Variants in MBNL1 observed in about 807,000 individuals in gnomAD.
MBNL1 encodes muscleblind-like protein 1.
MBNL1 carries 8 observed loss-of-function variants against 42.2 expected under a neutral mutation model. That is an observed-to-expected ratio of 0.19 (90% CI 0.11 to 0.34). The LOEUF (loss-of-function observed/expected upper bound fraction) is 0.34, where lower values mean the gene tolerates loss of function less well. MBNL1 is among the 10% of genes least tolerant of loss of function. The probability of loss-of-function intolerance (pLI) is 1.00; values close to 1 mark genes in which losing one functional copy is unlikely to be tolerated. For synonymous variants in MBNL1, 169 were observed against 173.9 expected (o/e 0.97, Z 0.22); for missense variants, 309 against 495.3 (o/e 0.62, Z 3.57).
chr3:152,340,865 G>T (rs1394247554), intron 2 of MBNL1: 1 of 1,613,514 alleles, frequency 6.2e-7, no homozygotes, highest in Non-Finnish European at 8.5e-7. Context: ...ACAAAGCCAA[G>T]CCAGTATAAA....
intron 2 of MBNL1, among the ~76,000 whole-genome samples, chr3:152,323,800 T>C (rs927964868): frequency 2.6e-5 from 4 of 152,212 alleles, no homozygotes; most frequent in African/African-American, 9.6e-5. Context: ...CATTGTAATC[T>C]TATGGGACCA....
chr3:152,402,203 G>C (rs1462417302), intron 2 of MBNL1, among the ~76,000 whole-genome samples: 1 of 152,036 alleles, frequency 6.6e-6, no homozygotes, highest in African/African-American at 2.4e-5. Context: ...GGGAACCAGG[G>C]GTTGCAAGGT....
At chr3:152,375,876 A>G (rs2096877103) in intron 2 of MBNL1, among the ~76,000 whole-genome samples, 1 of 152,074 alleles carries the variant, frequency 6.6e-6, no homozygotes, top group Admixed American at 6.6e-5. Flanking sequence ...TCTTGAAAGG[A>G]ATATTTTCCA....
intron 1 of MBNL1, among the ~76,000 whole-genome samples, chr3:152,296,518 C>T (rs1432437783): frequency 6.6e-6 from 1 of 152,108 alleles, no homozygotes; most frequent in East Asian, 1.9e-4. Flanking sequence ...TATTATTATC[C>T]ACTATTGCTA....
intron 2 of MBNL1, among the ~76,000 whole-genome samples, chr3:152,337,357 C>A (rs943243164): frequency 6.6e-6 from 1 of 152,116 alleles, no homozygotes; most frequent in African/African-American, 2.4e-5. Flanking sequence ...CGGTGGCTCA[C>A]GCCTGTAATG....
intron 1 of MBNL1, among the ~76,000 whole-genome samples, chr3:152,286,487 TTTTA>T (rs1426439690): frequency 1.4e-4 from 20 of 141,106 alleles, no homozygotes; most frequent in South Asian, 4.3e-4. Context: ...TATAAATATA[TTTTA>T]TTTATAATAT....
chr3:152,348,674 TAAATA>T (rs997955544), intron 2 of MBNL1, among the ~76,000 whole-genome samples: 1 of 152,128 alleles, frequency 6.6e-6, no homozygotes, highest in African/African-American at 2.4e-5. Flanking sequence ...AATCACATCC[TAAATA>T]AAATAAACTG....
chr3:152,281,821 A>G (rs1293797197), intron 1 of MBNL1, among the ~76,000 whole-genome samples: 1 of 152,214 alleles, frequency 6.6e-6, no homozygotes, highest in African/African-American at 2.4e-5. Flanking sequence ...ACTAAAACAT[A>G]GAAATCTGTT....
At chr3:152,421,932 C>G (rs975367460) in intron 3 of MBNL1, among the ~76,000 whole-genome samples, 4 of 151,320 alleles carry the variant, frequency 2.6e-5, no homozygotes, top group South Asian at 2.1e-4. Context: ...GAAGGAAGCA[C>G]TGAATATGGA....
intron 2 of MBNL1, among the ~76,000 whole-genome samples, chr3:152,247,630 A>G (rs1474051848): frequency 6.6e-6 from 1 of 151,980 alleles, no homozygotes; most frequent in Non-Finnish European, 1.5e-5. Flanking sequence ...GAGAATTAGT[A>G]TAGTTCTGTT....
chr3:152,415,296 T>A (rs573105190), intron 3 of MBNL1, among the ~76,000 whole-genome samples, 185 bp downstream of exon 3: 1 of 152,336 alleles, frequency 6.6e-6, no homozygotes, highest in African/African-American at 2.4e-5. Context: ...AGGCACTCAT[T>A]TTCTGGCTAA....
intron 2 of MBNL1, among the ~76,000 whole-genome samples, chr3:152,317,628 G>A (rs1393373132): frequency 6.6e-6 from 1 of 151,958 alleles, no homozygotes; most frequent in African/African-American, 2.4e-5. Context: ...CCTATTTTTT[G>A]TTTTATTTTT....
At chr3:152,275,910 A>G (rs1343425704) in intron 1 of MBNL1, among the ~76,000 whole-genome samples, 3 of 152,002 alleles carry the variant, frequency 2.0e-5, no homozygotes, top group South Asian at 4.1e-4. Flanking sequence ...TGAAAGAAAC[A>G]ATAGATTGGG....
At chr3:152,281,392 A>G (rs1162265381) in intron 1 of MBNL1, among the ~76,000 whole-genome samples, 1 of 152,146 alleles carries the variant, frequency 6.6e-6, no homozygotes, top group African/African-American at 2.4e-5. Context: ...AATTCTGGAA[A>G]GACTCAGTGA....
intron 2 of MBNL1, among the ~76,000 whole-genome samples, chr3:152,345,881 G>A (rs1255733725): frequency 1.3e-5 from 2 of 152,046 alleles, no homozygotes; most frequent in Admixed American, 6.6e-5. Context: ...TAGAATAATA[G>A]GATTGCTTTG....
At chr3:152,405,507 C>T (rs142964913) in intron 2 of MBNL1, among the ~76,000 whole-genome samples, 235 of 152,120 alleles carry the variant, frequency 1.5e-3, no homozygotes, top group African/African-American at 5.5e-3. Context: ...TCAGTACTTC[C>T]TGAAGGGAAG....
chr3:152,340,406 A>G lies in MBNL1; in HGVS notation c.174+40039A>G, dbSNP rs1483271680. ...CCACCTCTGTAAGATTGTAATGACA[A>G]TGACTGAGTTTTTTCCTGCCAAGTT... is the stretch of plus-strand genomic sequence containing the variant. On this transcript the variant is annotated intron_variant, in intron 2 of 9. Transcript: ENST00000324210. 1.8e-5 allele frequency: 21 copies of G among 1,177,596 alleles called. 1 individual carries two copies. Among genetic ancestry groups the G allele is most frequent in the South Asian group, 1.1e-4 (7 of 65,098 alleles). 72.9% of individuals were successfully genotyped at this position (1,177,596 alleles called of 1,614,324 possible).
intron 3 of MBNL1, among the ~76,000 whole-genome samples, chr3:152,424,766 A>C (rs2098886184): frequency 6.6e-6 from 1 of 152,184 alleles, no homozygotes; most frequent in South Asian, 2.1e-4. Flanking sequence ...CTCAGAAATC[A>C]CACCACACAT....
upstream of MBNL1, chr3:152,263,979 C>T (rs1459390024): frequency 6.6e-6 from 1 of 152,182 alleles, no homozygotes; most frequent in Admixed American, 6.5e-5. Flanking sequence ...TTTGAATGCT[C>T]TTTCCCCAGT....
Sources: gnomAD v4.1 joint callset for allele counts (sites outside exome capture counted in the v4.1 genomes callset) on GRCh38, gnomAD v4.1.1 for gene constraint, MANE v1.5 for transcripts, NCBI Gene and HGNC (gene_info 2026-07-23, HGNC 2026-07-21) for gene names.